DNAAF9: variants seen among roughly 807,000 people sequenced by gnomAD.
DNAAF9 encodes shulin.
DNAAF9 carries 90 observed loss-of-function variants against 167.0 expected under a neutral mutation model. The ratio of observed to expected loss-of-function variants is 0.54; its 90% CI spans 0.45 to 0.64. The LOEUF (loss-of-function observed/expected upper bound fraction) is 0.64. Ranked by LOEUF, DNAAF9 falls within the 30% of genes least tolerant of loss-of-function variation. DNAAF9 has a pLI of 0.00. For synonymous variants in DNAAF9, 491 were observed against 508.8 expected, an observed-to-expected ratio of 0.96 and a Z score of 0.47; for missense variants, 1,315 against 1,442.2, an observed-to-expected ratio of 0.91 and a Z score of 1.43.
chr20:3,327,940 T>C (rs2069742061), intron 12 of DNAAF9, among the ~76,000 whole-genome samples: 1 of 152,214 alleles, frequency 6.6e-6, no homozygotes, highest in Non-Finnish European at 1.5e-5. Context: ...GTGAATGAGC[T>C]TGGCCCCTTC....
intron 30 of DNAAF9, among the ~76,000 whole-genome samples, chr20:3,265,401 C>A (rs931278039): frequency 5.3e-5 from 8 of 151,222 alleles, no homozygotes; most frequent in African/African-American, 1.9e-4. Context: ...CCCATCTCTA[C>A]TAAAAAAATA....
At chr20:3,370,749 G>T (rs1342873069) in intron 6 of DNAAF9, among the ~76,000 whole-genome samples, 9 of 152,076 alleles carry the variant, frequency 5.9e-5, no homozygotes, top group Non-Finnish European at 1.0e-4. Flanking sequence ...TTGCCAGGCT[G>T]GTCTTGAACT....
At chr20:3,267,254 C>A (rs1339075070) in intron 30 of DNAAF9, among the ~76,000 whole-genome samples, 2 of 152,088 alleles carry the variant, frequency 1.3e-5, no homozygotes, top group Non-Finnish European at 2.9e-5. Flanking sequence ...CCAAATTGTC[C>A]CAAATTAGAC....
Position 3,407,473 on chromosome 20 carries a change from A to G in DNAAF9, c.83+2T>C. The G allele has an allele frequency of 7.6e-7, 1 of 1,311,694 alleles. No individual in the cohort carries two copies. Among genetic ancestry groups the G allele is most frequent in the Non-Finnish European group, 9.7e-7 (1 of 1,033,318 alleles). 81.3% of individuals were successfully genotyped at this position (1,311,694 alleles called of 1,614,324 possible). A position where few individuals can be genotyped will look rare whatever the true frequency, so the allele number is the denominator to read the frequency against. ...CCCCTCGGCTGCCTCTGCCCCGCGT[A>G]CCTGACGGAGGGTGACCCGCGGCTG... is the stretch of plus-strand genomic sequence containing the variant. On this transcript the variant is annotated splice_donor_variant, in intron 1 of 36. Coordinates refer to ENST00000252032, the MANE Select transcript of DNAAF9 (RefSeq NM_001009984.3). LOFTEE classifies it high-confidence loss of function.
intron 27 of DNAAF9, among the ~76,000 whole-genome samples, chr20:3,282,540 A>G (rs1169983007): frequency 6.6e-6 from 1 of 152,178 alleles, no homozygotes; most frequent in African/African-American, 2.4e-5. Flanking sequence ...ACCCAGAGTC[A>G]GATCATGTCA....
intron 6 of DNAAF9, among the ~76,000 whole-genome samples, chr20:3,362,822 T>G (rs2083380830): frequency 6.6e-6 from 1 of 152,234 alleles, no homozygotes. Flanking sequence ...TTCACATTCT[T>G]TGACATCATC....
intron 6 of DNAAF9, among the ~76,000 whole-genome samples, chr20:3,371,457 C>A (rs1431206297): frequency 6.6e-6 from 1 of 150,700 alleles, no homozygotes; most frequent in Non-Finnish European, 1.5e-5. Context: ...CATTCTCCTG[C>A]CTCAGCCTCC....
intron 6 of DNAAF9, among the ~76,000 whole-genome samples, chr20:3,371,900 G>C (rs965105104): frequency 1.3e-4 from 20 of 152,128 alleles, no homozygotes; most frequent in Admixed American, 6.6e-5. Context: ...GAGTAAGAAG[G>C]AGGAAGTTAG....
At chr20:3,295,167 C>A (rs1258655247) in intron 23 of DNAAF9, among the ~76,000 whole-genome samples, 1 of 149,456 alleles carries the variant, frequency 6.7e-6, no homozygotes, top group Non-Finnish European at 1.5e-5. Flanking sequence ...CCGCACCCAG[C>A]TCCCACTTTT....
chr20:3,256,939 G>C (rs972168170), intron 33 of DNAAF9, among the ~76,000 whole-genome samples: 1 of 151,990 alleles, frequency 6.6e-6, no homozygotes, highest in Non-Finnish European at 1.5e-5. Context: ...GGCTGGGGTG[G>C]GCAGTGACCT....
chr20:3,334,343 T>C (rs1252281408), intron 10 of DNAAF9, among the ~76,000 whole-genome samples: 1 of 152,198 alleles, frequency 6.6e-6, no homozygotes, highest in Non-Finnish European at 1.5e-5. Flanking sequence ...CTCCTCAGTG[T>C]TCCCTCTCCA....
At chr20:3,361,551 T>G (rs1392934577) in intron 6 of DNAAF9, among the ~76,000 whole-genome samples, 1 of 152,178 alleles carries the variant, frequency 6.6e-6, no homozygotes, top group East Asian at 1.9e-4. Flanking sequence ...GCAAAATGAC[T>G]GTGTGATGTG....
At chr20:3,380,139 G>A (rs1305519569) in intron 3 of DNAAF9, among the ~76,000 whole-genome samples, 1 of 152,218 alleles carries the variant, frequency 6.6e-6, no homozygotes, top group Admixed American at 6.5e-5. Flanking sequence ...GTACTGTAAT[G>A]TCCTTAGCAA....
chr20:3,373,633 C>T (rs6115864), intron 6 of DNAAF9, among the ~76,000 whole-genome samples: 6,799 of 152,172 alleles, frequency 0.045, 435 homozygotes, highest in East Asian at 0.16. Context: ...TTCTGAGGTA[C>T]AAACAACAAC....
Position 3,346,400 on chromosome 20 carries a change from C to T in DNAAF9, c.789+2125G>A, listed in dbSNP as rs76264718. ...TGTAATGGCAAAATATTAGAAACAA[C>T]CTCATTATGTGCACATACAAGAGGG... On this transcript the variant is annotated intron_variant, in intron 8 of 36. Transcript: ENST00000252032. Among the ~76,000 whole-genome samples, 351 of 152,182 alleles carry T rather than the reference C, an allele frequency of 2.3e-3. 2 individuals are homozygous for T. The highest frequency in any genetic ancestry group is 7.9e-3 in the African/African-American group (330 of 41,520).
At chr20:3,360,149 T>C (rs913561671) in intron 6 of DNAAF9, 1 of 152,194 alleles carries the variant, frequency 6.6e-6, no homozygotes, top group Non-Finnish European at 1.5e-5. Context: ...TTTCAAAAAA[T>C]AATTTTTTTA....
intron 21 of DNAAF9, among the ~76,000 whole-genome samples, chr20:3,299,034 G>C (rs1337882524): frequency 6.7e-6 from 1 of 148,504 alleles, no homozygotes; most frequent in Non-Finnish European, 1.5e-5. Context: ...TCAGCCTCCC[G>C]AGTAGCTGGG....
chr20:3,299,031 C>A (rs1376402247), intron 21 of DNAAF9, among the ~76,000 whole-genome samples: 1 of 151,282 alleles, frequency 6.6e-6, no homozygotes, highest in Admixed American at 6.6e-5. Context: ...GCTTCAGCCT[C>A]CCGAGTAGCT....
intron 6 of DNAAF9, among the ~76,000 whole-genome samples, chr20:3,367,497 A>C (rs552822715): frequency 9.2e-5 from 14 of 152,198 alleles, no homozygotes; most frequent in Non-Finnish European, 1.6e-4. Context: ...AACCATTTCC[A>C]GCTTTTGATT....
Sources: gnomAD v4.1 joint callset for allele counts (sites outside exome capture counted in the v4.1 genomes callset) on GRCh38, gnomAD v4.1.1 for gene constraint, MANE v1.5 for transcripts, NCBI Gene and HGNC (gene_info 2026-07-23, HGNC 2026-07-21) for gene names.